Variants in BCAR3 observed in about 807,000 individuals in gnomAD.
BCAR3 encodes breast cancer anti-estrogen resistance protein 3.
BCAR3 carries 37 observed loss-of-function variants against 80.1 expected under a neutral mutation model. The ratio of observed to expected loss-of-function variants is 0.46; its 90% CI spans 0.36 to 0.61. The LOEUF is 0.61. BCAR3 is among the 20% of genes least tolerant of loss of function. The pLI, the probability that BCAR3 is intolerant of heterozygous loss-of-function variation, is 0.00. For missense variants in BCAR3, 978 were observed against 1,068.2 expected, an observed-to-expected ratio of 0.92 and a Z score of 1.18; for synonymous variants, 389 against 418.9, an observed-to-expected ratio of 0.93 and a Z score of 0.87.
chr1:93,808,154 C>T (rs1301254281), intron 2 of BCAR3, among the ~76,000 whole-genome samples: 2 of 151,284 alleles, frequency 1.3e-5, no homozygotes. Context: ...CAGAGAGAGA[C>T]CTTAAGTCTG....
At chr1:93,745,691 G>A (rs1347558521) in intron 2 of BCAR3, among the ~76,000 whole-genome samples, 3 of 152,158 alleles carry the variant, frequency 2.0e-5, no homozygotes, top group Non-Finnish European at 4.4e-5. Context: ...GGGGTAGCAG[G>A]CAGGCAACCC....
intron 2 of BCAR3, among the ~76,000 whole-genome samples, chr1:93,788,944 A>T (rs1353652392): frequency 1.3e-5 from 2 of 152,108 alleles, no homozygotes; most frequent in Non-Finnish European, 2.9e-5. Context: ...AAATAATACC[A>T]GCAAATGTTA....
intron 2 of BCAR3, among the ~76,000 whole-genome samples, chr1:93,831,499 G>A (rs529438603): frequency 2.0e-4 from 30 of 152,144 alleles, no homozygotes; most frequent in South Asian, 4.2e-4. Flanking sequence ...AATTTTTGTC[G>A]AAAAATGGGC....
At chr1:93,806,322 A>G (rs958780092) in intron 2 of BCAR3, among the ~76,000 whole-genome samples, 2 of 152,244 alleles carry the variant, frequency 1.3e-5, no homozygotes, top group African/African-American at 4.8e-5. Flanking sequence ...TATTCTCTTC[A>G]TAGGAGAGTG....
intron 2 of BCAR3, among the ~76,000 whole-genome samples, chr1:93,661,631 G>A (rs886531787): frequency 2.0e-4 from 31 of 151,788 alleles, no homozygotes; most frequent in African/African-American, 7.0e-4. Context: ...GGGATTACAG[G>A]CATGTATCAC....
rs189927918 is a variant in BCAR3, at chr1:93,718,664, A to C, written c.-62-12522T>G. Among the ~76,000 whole-genome samples, 221 of 151,068 alleles carry C rather than the reference A, an allele frequency of 1.5e-3. 1 individual carries two copies. Among genetic ancestry groups the C allele is most frequent in the African/African-American group, 5.2e-3 (212 of 41,080 alleles). ...AAAGTAAATGCTGTCTAATTTTCAC[A>C]ACCATCTGAACTACATTGTTTTTCT... is the stretch of plus-strand genomic sequence containing the variant. On this transcript the variant is annotated intron_variant, in intron 2 of 13. Coordinates refer to the BCAR3 transcript ENST00000370244.
At chr1:93,610,818 G>A (rs1235578142) in intron 3 of BCAR3, among the ~76,000 whole-genome samples, 1 of 151,940 alleles carries the variant, frequency 6.6e-6, no homozygotes, top group Non-Finnish European at 1.5e-5. Flanking sequence ...GTGGTGGTGG[G>A]TGCCTGTAAT....
intron 2 of BCAR3, among the ~76,000 whole-genome samples, chr1:93,717,868 G>A (rs901948229): frequency 3.9e-5 from 6 of 152,120 alleles, no homozygotes; most frequent in Admixed American, 1.3e-4. Context: ...TGTGGCCTGC[G>A]TTTTTGGAGG....
chr1:93,778,275 G>A (rs1407796883), intron 2 of BCAR3, among the ~76,000 whole-genome samples: 1 of 152,116 alleles, frequency 6.6e-6, no homozygotes, highest in Non-Finnish European at 1.5e-5. Flanking sequence ...TCAGAGATAG[G>A]AAACAGATTT....
chr1:93,792,023 GGTACCA>G (rs1653156699), intron 2 of BCAR3, among the ~76,000 whole-genome samples: 1 of 1,938 alleles, frequency 5.2e-4, no homozygotes, highest in Non-Finnish European at 7.0e-4. Flanking sequence ...TCTCTGTTTT[GGTACCA>G]GTACCATGCT....
In BCAR3 at chr1:93,580,513, GAA is replaced by G. The variant is rs60517686; in HGVS notation, c.1686+1786_1686+1787del. Among the ~76,000 whole-genome samples the G allele has an allele frequency of 1.6e-3, 201 of 123,208 alleles. 2 individuals carry two copies. Among genetic ancestry groups the G allele is most frequent in the African/African-American group, 5.4e-3 (190 of 35,308 alleles). The allele number at this position is 123,208 out of a possible 152,430, so 80.8% of individuals were successfully genotyped here. A position where few individuals can be genotyped will look rare whatever the true frequency, so the allele number is the denominator to read the frequency against. On this transcript the variant is annotated intron_variant, in intron 7 of 11. Transcript: ENST00000260502. ...CCAACCAAGGATCAAAAATATTCAG[GAA>G]AAAAAAAAAAAAAGCTGCATTGGTA... is the stretch of plus-strand genomic sequence containing the variant.
intron 8 of BCAR3, among the ~76,000 whole-genome samples, chr1:93,573,591 A>G (rs998319690): frequency 2.7e-5 from 4 of 148,502 alleles, no homozygotes; most frequent in Non-Finnish European, 5.9e-5. Context: ...GAATCCAAAC[A>G]TAGACCTAAA....
At chr1:93,713,684 C>G (rs948323723) in intron 2 of BCAR3, among the ~76,000 whole-genome samples, 11 of 152,106 alleles carry the variant, frequency 7.2e-5, no homozygotes, top group Admixed American at 3.9e-4. Flanking sequence ...ATTGAAAAAC[C>G]CACAGCAATG....
At chr1:93,693,501 C>T (rs935594521) in intron 3 of BCAR3, among the ~76,000 whole-genome samples, 4 of 152,206 alleles carry the variant, frequency 2.6e-5, no homozygotes, top group African/African-American at 9.7e-5. Context: ...GTGAACAATC[C>T]TCGCATATTC....
chr1:93,825,698 C>T lies in BCAR3; in HGVS notation c.-63+19869G>A, dbSNP rs1419628467. On this transcript the variant is annotated intron_variant, in intron 2 of 13. Transcript: ENST00000370244. ...CAGCACCCACTGGTGGGGCACTTGCCGACCAGCCCCCAGGCCATGCGAGCA... is the reference window on the plus strand; with the variant it reads ...CAGCACCCACTGGTGGGGCACTTGCTGACCAGCCCCCAGGCCATGCGAGCA... Among the ~76,000 whole-genome samples the T allele has an allele frequency of 4.3e-4, 34 of 79,298 alleles. 6 individuals carry two copies. Among genetic ancestry groups the T allele is most frequent in the Admixed American group, 4.3e-3 (29 of 6,788 alleles). The allele number at this position is 79,298 out of a possible 152,430, so 52.0% of individuals were successfully genotyped here.
Position 93,562,429 on chromosome 1 carries a change from C to T in BCAR3, c.2300-10G>A. On this transcript the variant is annotated splice_polypyrimidine_tract_variant and intron_variant, in intron 11 of 11. Coordinates refer to ENST00000260502, the MANE Select transcript of BCAR3 (RefSeq NM_003567.4). ...TCATCTGGTTGAAAACCTAATGAAA[C>T]AAAATAAACAAAAAGTTACTTCAGT... 4 of 1,609,902 alleles carry T rather than the reference C, an allele frequency of 2.5e-6. No homozygotes were observed. The highest frequency in any genetic ancestry group is 1.1e-5 in the South Asian group (1 of 90,628).
intron 3 of BCAR3, among the ~76,000 whole-genome samples, chr1:93,617,820 G>A (rs1292321585): frequency 2.0e-5 from 3 of 152,198 alleles, no homozygotes; most frequent in Non-Finnish European, 4.4e-5. Flanking sequence ...CTGGCGTCAC[G>A]GTGAGGACAG....
At chr1:93,830,648 T>C (rs948860801) in intron 2 of BCAR3, among the ~76,000 whole-genome samples, 9 of 151,994 alleles carry the variant, frequency 5.9e-5, no homozygotes, top group Non-Finnish European at 1.0e-4. Flanking sequence ...CTTCGCTGAC[T>C]CTCTTTTCGG....
At chr1:93,614,814 G>A (rs1233230920) in intron 3 of BCAR3, among the ~76,000 whole-genome samples, 1 of 151,644 alleles carries the variant, frequency 6.6e-6, no homozygotes, top group Non-Finnish European at 1.5e-5. Context: ...ATTACTCATC[G>A]CCACTCTGAT....
Sources: gnomAD v4.1 joint callset for allele counts (sites outside exome capture counted in the v4.1 genomes callset) on GRCh38, gnomAD v4.1.1 for gene constraint, MANE v1.5 for transcripts, NCBI Gene and HGNC (gene_info 2026-07-23, HGNC 2026-07-21) for gene names.